The following FARP2 variants were observed in gnomAD, a reference collection of about 807,000 sequenced individuals.
The protein encoded by FARP2 is FERM, ARH/RhoGEF and pleckstrin domain protein 2.
FARP2 carries 111 observed loss-of-function variants against 130.5 expected under a neutral mutation model. The observed-to-expected ratio is 0.85, with a 90% confidence interval of 0.73 to 1.00. The LOEUF is 1.00. Ranked by LOEUF, FARP2 falls within the 50% of genes least tolerant of loss-of-function variation. The pLI is 0.00. For missense variants in FARP2, 1,385 were observed against 1,346.3 expected (o/e 1.03, Z -0.45); for synonymous variants, 504 against 516.9 (o/e 0.98, Z 0.34).
At chr2:241,490,234 G>A (rs1176195086) in intron 22 of FARP2, among the ~76,000 whole-genome samples, 190 bp downstream of exon 22, 3 of 152,170 alleles carry the variant, frequency 2.0e-5, no homozygotes, top group African/African-American at 7.2e-5. Context: ...TCAGGGGCAG[G>A]GCTGCTTGCC....
At chr2:241,447,859 T>G (rs1205010130) in intron 13 of FARP2, among the ~76,000 whole-genome samples, 4 of 152,138 alleles carry the variant, frequency 2.6e-5, no homozygotes, top group Non-Finnish European at 5.9e-5. Flanking sequence ...CTTGCCCTTT[T>G]CGGACCTTGG....
chr2:241,420,990 AAACT>A (rs1383237922), intron 8 of FARP2, among the ~76,000 whole-genome samples: 3 of 152,246 alleles, frequency 2.0e-5, no homozygotes, highest in Non-Finnish European at 2.9e-5. Context: ...TCTTGCACTG[AAACT>A]AACTAGGCGA....
At chr2:241,361,042 A>C (rs1002576187) in intron 1 of FARP2, among the ~76,000 whole-genome samples, 2 of 146,488 alleles carry the variant, frequency 1.4e-5, no homozygotes, top group Admixed American at 8.0e-5. Context: ...AAAAAAAAAA[A>C]CACACATCTT....
chr2:241,457,146 G>C (rs967342335), intron 14 of FARP2, among the ~76,000 whole-genome samples: 1 of 152,158 alleles, frequency 6.6e-6, no homozygotes, highest in Non-Finnish European at 1.5e-5. Context: ...AGGTTCCTTC[G>C]TACAAAAACG....
chr2:241,368,947 C>G (rs2061370254), intron 1 of FARP2, among the ~76,000 whole-genome samples: 1 of 152,066 alleles, frequency 6.6e-6, no homozygotes, highest in African/African-American at 2.4e-5. Context: ...TGACAACAAA[C>G]AGATTTTTCT....
chr2:241,432,109 G>T, intron 9 of FARP2: 1 of 155,732 alleles, frequency 6.4e-6, no homozygotes, highest in Non-Finnish European at 1.4e-5. Flanking sequence ...CTCACAAAGT[G>T]CTGGGATTAC....
intron 12 of FARP2, among the ~76,000 whole-genome samples, chr2:241,438,267 C>A (rs115276079): frequency 2.2e-4 from 33 of 152,194 alleles, no homozygotes; most frequent in African/African-American, 7.0e-4. Context: ...TATTAAAGGT[C>A]ATGTGAACTG....
At chr2:241,447,326 CTTGTTTTAA>C (rs1484258164) in intron 13 of FARP2, among the ~76,000 whole-genome samples, 2 of 152,136 alleles carry the variant, frequency 1.3e-5, no homozygotes, top group Non-Finnish European at 2.9e-5. Flanking sequence ...TGCAGATTGT[CTTGTTTTAA>C]TATGGGTGAT....
At chr2:241,386,298 C>G in intron 2 of FARP2, among the ~76,000 whole-genome samples, 1 of 152,126 alleles carries the variant, frequency 6.6e-6, no homozygotes, top group South Asian at 2.1e-4. Context: ...GTTGCTCAGG[C>G]TAGCTTGAGC....
In FARP2 at chr2:241,471,639, G is replaced by A. The variant is rs570554135; in HGVS notation, c.2131+3262G>A. Reference sequence around the variant, plus strand: ...CTCCCGAGTAGCTGGGACGACAGGCGCCCGACACCACGCCTGTCTAATTTT... The same window carrying A: ...CTCCCGAGTAGCTGGGACGACAGGCACCCGACACCACGCCTGTCTAATTTT... On this transcript the variant is annotated intron_variant, in intron 18 of 26. Coordinates refer to ENST00000264042, the MANE Select transcript of FARP2 (RefSeq NM_014808.4). Among the ~76,000 whole-genome samples the A allele has an allele frequency of 2.4e-3, 368 of 151,778 alleles. 2 individuals carry two copies. The highest frequency in any genetic ancestry group is 2.9e-3 in the Non-Finnish European group (199 of 67,864).
At chr2:241,415,175 TGAG>T (rs2062633692) in intron 7 of FARP2, among the ~76,000 whole-genome samples, 1 of 152,172 alleles carries the variant, frequency 6.6e-6, no homozygotes, top group African/African-American at 2.4e-5. Flanking sequence ...GACCTGACCT[TGAG>T]GAGGCCTCCA....
intron 16 of FARP2, 148 bp downstream of exon 16, chr2:241,463,616 T>A: frequency 3.5e-6 from 3 of 856,688 alleles, no homozygotes; most frequent in Non-Finnish European, 5.4e-6. Flanking sequence ...GAGGTACAGA[T>A]GTAATAATAC....
intron 1 of FARP2, among the ~76,000 whole-genome samples, chr2:241,357,033 G>A (rs947857398): frequency 1.7e-4 from 26 of 152,314 alleles, no homozygotes; most frequent in African/African-American, 6.3e-4. Context: ...TTACACACCC[G>A]AATTACGGGC....
chr2:241,369,671 A>T (rs1559705209), intron 1 of FARP2, among the ~76,000 whole-genome samples: 1 of 151,290 alleles, frequency 6.6e-6, no homozygotes, highest in Non-Finnish European at 1.5e-5. Flanking sequence ...AAATAAGAGA[A>T]ATGACTTCTA....
chr2:241,385,786 T>G (rs545577561), intron 2 of FARP2, among the ~76,000 whole-genome samples: 1 of 152,182 alleles, frequency 6.6e-6, no homozygotes, highest in Non-Finnish European at 1.5e-5. Context: ...GTCTTCAACA[T>G]TTACGTCATA....
intron 22 of FARP2, among the ~76,000 whole-genome samples, chr2:241,490,819 C>T (rs1045618051): frequency 7.2e-5 from 11 of 152,216 alleles, no homozygotes; most frequent in African/African-American, 1.9e-4. Flanking sequence ...GTTCTAGGAC[C>T]GGGGCCCTGC....
intron 21 of FARP2, 76 bp from the exon 22 acceptor site, chr2:241,489,886 A>G (rs774504291): frequency 1.6e-4 from 153 of 971,612 alleles, no homozygotes; most frequent in Non-Finnish European, 2.4e-4. Context: ...GCCAGCAGTC[A>G]CCTTGTGTCC....
chr2:241,411,588 C>G (rs1342810129), intron 6 of FARP2, among the ~76,000 whole-genome samples: 1 of 152,210 alleles, frequency 6.6e-6, no homozygotes, highest in Non-Finnish European at 1.5e-5. Flanking sequence ...TGGTTCAGAA[C>G]TGTGTCAAGA....
chr2:241,474,317 C>CAAAAA (rs56128645), intron 18 of FARP2, among the ~76,000 whole-genome samples: 22 of 46,674 alleles, frequency 4.7e-4, no homozygotes, highest in African/African-American at 6.2e-4. Context: ...GATTCCGTCT[C>CAAAAA]AAAAAAAAAA....
Sources: allele counts gnomAD v4.1 joint callset (sites outside exome capture counted in the v4.1 genomes callset), GRCh38; gene constraint gnomAD v4.1.1; transcripts MANE v1.5; gene names NCBI Gene and HGNC (gene_info 2026-07-23, HGNC 2026-07-21).